The following TTLL13 variants were observed in gnomAD, a reference collection of about 807,000 sequenced individuals.
TTLL13 encodes the protein tubulin tyrosine ligase like 13.
chr15:90,265,327 C>G, the TTLL13 span: 3 of 1,221,560 alleles, frequency 2.5e-6, no homozygotes, highest in Non-Finnish European at 3.1e-6. Flanking sequence ...GCCGAGTGCC[C>G]AAGGCACTGG....
the TTLL13 span, chr15:90,251,422 C>A: frequency 3.0e-5 from 28 of 946,096 alleles, no homozygotes; most frequent in Non-Finnish European, 4.7e-5. Context: ...CCGCGCCCAG[C>A]CCATCCTGGT....
the TTLL13 span, among the ~76,000 whole-genome samples, chr15:90,256,606 TTTCCTTCC>T: frequency 0.017 from 511 of 30,510 alleles, 11 homozygotes; most frequent in Middle Eastern, 0.047. Flanking sequence ...TCTTTCTTTC[TTTCCTTCC>T]TTCCTTCCTT....
At chr15:90,256,896 C>T in the TTLL13 span, among the ~76,000 whole-genome samples, 1 of 151,960 alleles carries the variant, frequency 6.6e-6, no homozygotes, top group Non-Finnish European at 1.5e-5. Context: ...CCATCTTGGC[C>T]AGGCTGGTCT....
the TTLL13 span, chr15:90,250,732 CT>C: frequency 6.2e-7 from 1 of 1,614,172 alleles, no homozygotes; most frequent in South Asian, 1.1e-5. Context: ...ACCCCTCTAA[CT>C]CTTCACAGCA....
the TTLL13 span, chr15:90,257,412 A>T: frequency 2.2e-6 from 3 of 1,339,414 alleles, no homozygotes; most frequent in Non-Finnish European, 2.0e-6. Flanking sequence ...TGCAGCATCT[A>T]GCTGGGAGGC....
At chr15:90,256,426 G>A in the TTLL13 span, 17 of 1,137,742 alleles carry the variant, frequency 1.5e-5, no homozygotes, top group South Asian at 2.2e-4. Context: ...TTTCCTGGAG[G>A]CAGTATCCAG....
chr15:90,264,566 A>T, the TTLL13 span, among the ~76,000 whole-genome samples: 1 of 152,206 alleles, frequency 6.6e-6, no homozygotes, highest in African/African-American at 2.4e-5. Flanking sequence ...ACAAAAAGAC[A>T]TACCATACCA....
At chr15:90,257,407 CA>C in the TTLL13 span, 1 of 1,373,318 alleles carries the variant, frequency 7.3e-7, no homozygotes, top group Non-Finnish European at 9.8e-7. Context: ...AGAGCTGCAG[CA>C]TCTAGCTGGG....
At chr15:90,258,914 C>T in the TTLL13 span, 12 of 1,614,146 alleles carry the variant, frequency 7.4e-6, no homozygotes, top group Non-Finnish European at 1.0e-5. Context: ...CTACCGACAG[C>T]CACGAGAATC....
chr15:90,255,906 A>C, the TTLL13 span: 2 of 1,614,008 alleles, frequency 1.2e-6, no homozygotes, highest in Non-Finnish European at 1.7e-6. Flanking sequence ...CTGGCTTCCC[A>C]TGCTGAGATA....
chr15:90,264,738 G>C, the TTLL13 span: 1 of 1,536,092 alleles, frequency 6.5e-7, no homozygotes, highest in Non-Finnish European at 8.7e-7. Flanking sequence ...GCCAGCAGAA[G>C]GCTAGAAGCC....
At chr15:90,256,058 C>CTA in the TTLL13 span, 3 of 1,565,652 alleles carry the variant, frequency 1.9e-6, no homozygotes, top group Non-Finnish European at 2.6e-6. Context: ...AGAGCATGGA[C>CTA]TAGATAGCAG....
At chr15:90,264,892 G>C in the TTLL13 span, 1 of 1,536,122 alleles carries the variant, frequency 6.5e-7, no homozygotes, top group Non-Finnish European at 8.7e-7. Context: ...GAGCAGCCAA[G>C]GTTCCCCTCT....
At chr15:90,263,726 C>T in the TTLL13 span, 2 of 668,382 alleles carry the variant, frequency 3.0e-6, no homozygotes, top group African/African-American at 3.6e-5. Flanking sequence ...TAAGGGGCTG[C>T]TCTTCTCCTC....
the TTLL13 span, chr15:90,258,312 G>C: frequency 2.6e-6 from 4 of 1,565,130 alleles, no homozygotes; most frequent in Admixed American, 3.3e-5. Flanking sequence ...AGGTCCAGAG[G>C]CCTCCTTGAA....
chr15:90,258,869 G>A, the TTLL13 span: 1 of 1,614,192 alleles, frequency 6.2e-7, no homozygotes, highest in Non-Finnish European at 8.5e-7. Flanking sequence ...GATGGAGGAG[G>A]ATAAGCGGCG....
chr15:90,258,191 T>C, the TTLL13 span: 253 of 1,614,282 alleles, frequency 1.6e-4, 3 homozygotes, highest in African/African-American at 3.1e-3. Context: ...AGTATCTGAA[T>C]GGAGGTACAT....
chr15:90,257,498 C>G, the TTLL13 span: 1 of 986,292 alleles, frequency 1.0e-6, no homozygotes, highest in Admixed American at 2.5e-5. Flanking sequence ...CCAGGATCAT[C>G]TAGAATAGCA....
chr15:90,262,392 C>T, the TTLL13 span: 1 of 1,305,068 alleles, frequency 7.7e-7, no homozygotes, highest in Non-Finnish European at 1.0e-6. Flanking sequence ...GTCCTAAGAA[C>T]AGATTGTAAT....
Sources: allele counts gnomAD v4.1 joint callset (sites outside exome capture counted in the v4.1 genomes callset), GRCh38; gene constraint gnomAD v4.1.1; transcripts MANE v1.5; gene names NCBI Gene and HGNC (gene_info 2026-07-23, HGNC 2026-07-21).